The following KAT6A variants were observed in gnomAD, a reference collection of about 807,000 sequenced individuals.
The protein encoded by KAT6A is histone acetyltransferase KAT6A.
Under a neutral mutation model 198.4 loss-of-function variants are expected in KAT6A, and 9 were observed. The ratio of observed to expected loss-of-function variants is 0.05; its 90% CI spans 0.03 to 0.08. KAT6A has a LOEUF of 0.08. Ranked by LOEUF, KAT6A falls within the 10% of genes least tolerant of loss-of-function variation. KAT6A has a pLI of 1.00. For synonymous variants in KAT6A, 890 were observed against 883.0 expected (o/e 1.01, Z -0.14); for missense variants, 2,077 against 2,509.9 (o/e 0.83, Z 3.69).
At chr8:41,947,334 A>T (rs1822448742) in intron 11 of KAT6A, among the ~76,000 whole-genome samples, 1 of 152,218 alleles carries the variant, frequency 6.6e-6, no homozygotes, top group Non-Finnish European at 1.5e-5. Context: ...TTCTCCCTCT[A>T]AGGGAATGGA....
intron 8 of KAT6A, among the ~76,000 whole-genome samples, chr8:41,971,186 G>A (rs1823775879): frequency 6.8e-6 from 1 of 147,944 alleles, no homozygotes; most frequent in South Asian, 2.1e-4. Context: ...TAACAAACCT[G>A]CACGTTGTGC....
chr8:41,991,866 T>G (rs1824963210), intron 2 of KAT6A, among the ~76,000 whole-genome samples: 1 of 151,610 alleles, frequency 6.6e-6, no homozygotes, highest in African/African-American at 2.4e-5. Flanking sequence ...ATACCAACAT[T>G]CAGGAGCACC....
At position 41,937,183 on chromosome 8, in the gene KAT6A, G is replaced by A. The variant is rs939733033; in HGVS notation, c.3352+73C>T. On this transcript the variant is annotated intron_variant, in intron 16 of 16. Transcript: ENST00000265713. ...GTGTTCATTTTTCAGCCTTTTTACTGAAGGGTCTGTCACTGCTACTGCTAT... is the reference window on the plus strand; with the variant it reads ...GTGTTCATTTTTCAGCCTTTTTACTAAAGGGTCTGTCACTGCTACTGCTAT... 2.6e-5 allele frequency: 31 copies of A among 1,188,080 alleles called. No homozygotes were observed. The Admixed American group carries it at 6.8e-4, about 26-fold the overall frequency. The allele number at this position is 1,188,080 out of a possible 1,614,324, so 73.6% of individuals were successfully genotyped here. A position where few individuals can be genotyped will look rare whatever the true frequency, so the allele number is the denominator to read the frequency against.
At chr8:41,998,871 G>C (rs1825354007) in intron 2 of KAT6A, among the ~76,000 whole-genome samples, 1 of 151,724 alleles carries the variant, frequency 6.6e-6, no homozygotes, top group Admixed American at 6.6e-5. Context: ...TGAATGGCCT[G>C]GGAAAAGACC....
At chr8:41,987,209 A>G (rs976733038) in intron 3 of KAT6A, among the ~76,000 whole-genome samples, 4 of 152,192 alleles carry the variant, frequency 2.6e-5, no homozygotes, top group Non-Finnish European at 5.9e-5. Flanking sequence ...CCTATGAGCA[A>G]CAGACTACAC....
At chr8:42,032,612 A>G (rs1016461435) in intron 2 of KAT6A, among the ~76,000 whole-genome samples, 5 of 151,892 alleles carry the variant, frequency 3.3e-5, no homozygotes, top group Admixed American at 6.6e-5. Context: ...AAAATTATAT[A>G]AAGTCTCAAA....
At chr8:42,020,969 TAAC>T (rs1826499147) in intron 2 of KAT6A, among the ~76,000 whole-genome samples, 1 of 151,884 alleles carries the variant, frequency 6.6e-6, no homozygotes, top group Non-Finnish European at 1.5e-5. Flanking sequence ...TTTAACAACT[TAAC>T]AATGGGGGGG....
At position 42,043,844 on chromosome 8, in the gene KAT6A, G is replaced by A. The variant is rs1389177808; in HGVS notation, c.600+4534C>T. Reference sequence around the variant, plus strand: ...ATTTGTGTGACTTCAGCAAGTTACTGAAATCTCTTTTATGCCTCAGTTTCT... The same window carrying A: ...ATTTGTGTGACTTCAGCAAGTTACTAAAATCTCTTTTATGCCTCAGTTTCT... On this transcript the variant is annotated intron_variant, in intron 2 of 16. Transcript: ENST00000265713. 2.0e-5 allele frequency among the ~76,000 whole-genome samples: 3 copies of A among 152,128 alleles called. No homozygotes were observed. In the East Asian group the frequency reaches 5.8e-4, roughly 29 times the overall value.
At chr8:41,965,176 T>C (rs556496221) in intron 8 of KAT6A, among the ~76,000 whole-genome samples, 1 of 152,340 alleles carries the variant, frequency 6.6e-6, no homozygotes, top group African/African-American at 2.4e-5. Flanking sequence ...CAGAATTGTG[T>C]CCGTGCTTCT....
At chr8:42,013,580 T>C (rs947403361) in intron 2 of KAT6A, among the ~76,000 whole-genome samples, 2 of 152,216 alleles carry the variant, frequency 1.3e-5, no homozygotes, top group African/African-American at 2.4e-5. Flanking sequence ...CACATATGTA[T>C]GGTCACTTCT....
rs973465864 is a variant in KAT6A, at chr8:41,931,627, A to G, written c.*578T>C. On this transcript the variant is annotated 3_prime_UTR_variant, in exon 17 of 17. Coordinates refer to ENST00000265713, the MANE Select transcript of KAT6A (RefSeq NM_006766.5). ...GAGAAGCATTTTCCTGCCTCACTTT[A>G]TTAATAATAATAATAATAATATTAA... 4 of 187,542 alleles carry G rather than the reference A, an allele frequency of 2.1e-5. No individual in the cohort carries two copies. Among genetic ancestry groups the G allele is most frequent in the Non-Finnish European group, 4.5e-5 (4 of 89,370 alleles). 11.6% of individuals were successfully genotyped at this position (187,542 alleles called of 1,614,324 possible).
rs759545247 is a variant in KAT6A at position 41,933,542 on chromosome 8, T to C, written c.4678A>G (p.Thr1560Ala). 1.2e-6 allele frequency: 2 copies of C among 1,614,150 alleles called. No individual in the cohort carries two copies. The highest frequency in any genetic ancestry group is 1.7e-6 in the Non-Finnish European group (2 of 1,180,034). ...CTGCTTGGGTTCTCATAGTTTTCAG[T>C]GGTGCTCTCAATGCTGCCCAGGTCA... is the stretch of plus-strand genomic sequence containing the variant. ...FSDLGSIEST[T>A]ENYENPSSYD... The change falls in exon 17 of 17, where the codon ACT (threonine) becomes GCT (alanine). Residue 1560 changes from threonine to alanine, a missense_variant. Thr to Ala is a moderately conservative substitution (Grantham distance 58, BLOSUM62 0). This residue lies in a region of KAT6A where 10 missense variants were observed against 51.2 expected (regional missense o/e 0.20). Coordinates refer to ENST00000265713, the MANE Select transcript of KAT6A (RefSeq NM_006766.5). This position sits in a 1 kb window ranked among gnomAD's most constrained non-coding sequence, Gnocchi z 6.2.
intron 8 of KAT6A, 106 bp from the exon 9 acceptor site, chr8:41,955,517 A>C (rs1447639040): frequency 4.6e-6 from 3 of 658,902 alleles, no homozygotes; most frequent in Non-Finnish European, 8.0e-6. Context: ...CCAAAGGAGT[A>C]AAACAAAAAC....
chr8:42,006,334 G>C (rs1825744496), intron 2 of KAT6A, among the ~76,000 whole-genome samples: 1 of 152,138 alleles, frequency 6.6e-6, no homozygotes, highest in Admixed American at 6.5e-5. Context: ...TGTAAAACTA[G>C]AGATCAAAAC....
rs139564445 is a variant in KAT6A, at chr8:41,940,587, T to A, written c.3039+255A>T. On this transcript the variant is annotated intron_variant, in intron 15 of 16. Coordinates refer to ENST00000265713, the MANE Select transcript of KAT6A (RefSeq NM_006766.5). ...TAAGCTAAAAAAAAGTTTGTTTGCA[T>A]CCCAGGAGGTGAAGCCCTTAAATAA... Among the ~76,000 whole-genome samples the A allele has an allele frequency of 3.1e-3, 468 of 152,314 alleles. 1 individual carries two copies. The highest frequency in any genetic ancestry group is 0.011 in the African/African-American group (440 of 41,568).
chr8:41,959,843 C>A (rs1823105097), intron 8 of KAT6A, among the ~76,000 whole-genome samples: 1 of 152,082 alleles, frequency 6.6e-6, no homozygotes, highest in Admixed American at 6.5e-5. Flanking sequence ...GTAGTCCCAG[C>A]TACTCGGGAG....
At chr8:41,997,514 T>A (rs1430555701) in intron 2 of KAT6A, among the ~76,000 whole-genome samples, 1 of 152,252 alleles carries the variant, frequency 6.6e-6, no homozygotes, top group East Asian at 1.9e-4. Flanking sequence ...AGTTATCTTT[T>A]AATCCAATTG....
chr8:42,030,776 C>T (rs536005253), intron 2 of KAT6A, among the ~76,000 whole-genome samples: 37 of 151,870 alleles, frequency 2.4e-4, no homozygotes, highest in African/African-American at 8.0e-4. Flanking sequence ...CAGGGTTTCA[C>T]CATGTTGGTC....
chr8:42,003,358 G>A (rs545388975), intron 2 of KAT6A, among the ~76,000 whole-genome samples: 56 of 152,046 alleles, frequency 3.7e-4, no homozygotes, highest in Admixed American at 3.1e-3. Flanking sequence ...TCAAGTCTTT[G>A]AAAGCAATCA....
Sources: allele counts gnomAD v4.1 joint callset (sites outside exome capture counted in the v4.1 genomes callset), GRCh38; gene constraint gnomAD v4.1.1; regional missense constraint gnomAD v4.1.1; non-coding constraint Gnocchi (gnomAD v3.1); transcripts MANE v1.5; gene names NCBI Gene and HGNC (gene_info 2026-07-23, HGNC 2026-07-21).